TCF12: variants seen among roughly 807,000 people sequenced by gnomAD.
TCF12 encodes the protein DNA-binding protein HTF4.
A neutral mutation model predicts 86.0 loss-of-function variants in TCF12; 45 were observed. That is an observed-to-expected ratio of 0.52 (90% CI 0.41 to 0.67). The LOEUF is 0.67. Among genes scored for constraint, TCF12 ranks in the 30% least tolerant of loss-of-function variants. TCF12 has a pLI of 0.00. For synonymous variants in TCF12, 330 were observed against 299.6 expected (o/e 1.10, Z -1.05); for missense variants, 881 against 859.9 (o/e 1.02, Z -0.31).
At chr15:57,168,590 C>G (rs1038015014) in intron 6 of TCF12, among the ~76,000 whole-genome samples, 6 of 152,100 alleles carry the variant, frequency 3.9e-5, no homozygotes, top group African/African-American at 1.4e-4. Flanking sequence ...ATACAAGTTA[C>G]TGTTTGAATT....
In TCF12 at chr15:57,170,638, A is replaced by AT. The variant is rs2055254705; in HGVS notation, c.390+4173dup. On this transcript the variant is annotated intron_variant, in intron 6 of 20. Coordinates refer to ENST00000333725, the MANE Select transcript of TCF12 (RefSeq NM_207037.2). ...CATGCCCTGCTAATTTTATATATAT[A>AT]TATAATATATATATTATATAAAATA... 1.5e-4 allele frequency among the ~76,000 whole-genome samples: 5 copies of AT among 32,880 alleles called. No individual in the cohort carries two copies. The African/African-American group carries it at 1.5e-3, about 10-fold the overall frequency. 21.6% of individuals were successfully genotyped at this position (32,880 alleles called of 152,430 possible).
chr15:57,110,308 C>T (rs1250211595), intron 5 of TCF12, among the ~76,000 whole-genome samples: 1 of 12,106 alleles, frequency 8.3e-5, no homozygotes, highest in African/African-American at 1.5e-4. Context: ...TTAAATATAC[C>T]ATAGTTGGGG....
intron 8 of TCF12, among the ~76,000 whole-genome samples, chr15:57,207,492 G>A (rs530787904): frequency 6.6e-6 from 1 of 152,220 alleles, no homozygotes; most frequent in South Asian, 2.1e-4. Context: ...CCAACATGGT[G>A]AAACCTCATC....
At chr15:57,280,112 A>G (rs1483242036) in intron 19 of TCF12, among the ~76,000 whole-genome samples, 1 of 151,208 alleles carries the variant, frequency 6.6e-6, no homozygotes, top group African/African-American at 2.4e-5. Flanking sequence ...CTAGTCTCAA[A>G]CTCTTGACCT....
At chr15:57,022,752 T>C (rs2065575970) in intron 3 of TCF12, among the ~76,000 whole-genome samples, 1 of 152,238 alleles carries the variant, frequency 6.6e-6, no homozygotes, top group Non-Finnish European at 1.5e-5. Context: ...TTTTTAATGA[T>C]TACCATTCTA....
At chr15:56,922,844 T>C (rs1048067216) in intron 3 of TCF12, among the ~76,000 whole-genome samples, 3 of 152,044 alleles carry the variant, frequency 2.0e-5, no homozygotes, top group African/African-American at 4.8e-5. Context: ...CTGGTAGATA[T>C]AATTTTTCTG....
chr15:57,064,078 A>C (rs1194545073), intron 4 of TCF12, among the ~76,000 whole-genome samples: 1 of 152,196 alleles, frequency 6.6e-6, no homozygotes, highest in Non-Finnish European at 1.5e-5. Context: ...TAAAGAGCTT[A>C]GAATGCATAA....
At chr15:57,250,555 G>A (rs970301069) in intron 13 of TCF12, among the ~76,000 whole-genome samples, 1 of 151,982 alleles carries the variant, frequency 6.6e-6, no homozygotes, top group Non-Finnish European at 1.5e-5. Context: ...GTAGTGAAAC[G>A]TTGTCTCTAC....
At position 57,263,182 on chromosome 15, in the gene TCF12, A is replaced by T; in HGVS notation, c.1653A>T (p.Glu551Asp). 3 of 1,613,498 alleles carry T rather than the reference A, an allele frequency of 1.9e-6. No individual in the cohort carries two copies. The highest frequency in any genetic ancestry group is 2.5e-6 in the Non-Finnish European group (3 of 1,179,790). Reference protein sequence around the residue: ...EIKTENKEKDENLHEPPSSDD... With the variant: ...EIKTENKEKDDNLHEPPSSDD... Reference sequence around the variant, plus strand: ...AGACTGAAAACAAAGAAAAGGATGAAAACCTTCATGAACCTCCTTCATCAG... The same window carrying T: ...AGACTGAAAACAAAGAAAAGGATGATAACCTTCATGAACCTCCTTCATCAG... The change falls in exon 18 of 21, where the codon GAA becomes GAT. Residue 551 changes from glutamate to aspartate, a missense_variant. Glu to Asp is a conservative substitution (Grantham distance 45). Coordinates refer to ENST00000333725, the MANE Select transcript of TCF12 (RefSeq NM_207037.2).
At chr15:57,250,574 C>A (rs115801555) in intron 13 of TCF12, among the ~76,000 whole-genome samples, 2,842 of 152,026 alleles carry the variant, frequency 0.019, 80 homozygotes, top group African/African-American at 0.062. Flanking sequence ...ACTGCAAATA[C>A]AAAAATTAGC....
At chr15:57,019,745 A>G (rs1051512085) in intron 3 of TCF12, among the ~76,000 whole-genome samples, 24 of 144,830 alleles carry the variant, frequency 1.7e-4, no homozygotes, top group Non-Finnish European at 3.0e-4. Context: ...GATGTTATCT[A>G]TAGGAGCAAT....
At chr15:56,975,642 T>G (rs1442297438) in intron 3 of TCF12, among the ~76,000 whole-genome samples, 3 of 151,874 alleles carry the variant, frequency 2.0e-5, no homozygotes, top group Admixed American at 2.0e-4. Context: ...GTTTTTTTTG[T>G]TTGTTTGTTT....
At chr15:56,989,010 A>G (rs2063322144) in intron 3 of TCF12, among the ~76,000 whole-genome samples, 1 of 152,174 alleles carries the variant, frequency 6.6e-6, no homozygotes, top group Admixed American at 6.5e-5. Context: ...AGCAATGACA[A>G]TTTACTTTGC....
intron 6 of TCF12, among the ~76,000 whole-genome samples, chr15:57,191,170 A>T (rs371427100): frequency 5.3e-5 from 8 of 152,178 alleles, no homozygotes; most frequent in African/African-American, 1.9e-4. Flanking sequence ...TCAAGTGAAA[A>T]AAGCAGGAAT....
At chr15:57,059,084 G>A (rs1227820425) in intron 3 of TCF12, among the ~76,000 whole-genome samples, 1 of 152,192 alleles carries the variant, frequency 6.6e-6, no homozygotes, top group African/African-American at 2.4e-5. Context: ...CCCTACAGCA[G>A]ATGGCAATCC....
At chr15:57,219,544 C>G (rs2058482493) in intron 8 of TCF12, 3 of 1,613,382 alleles carry the variant, frequency 1.9e-6, no homozygotes, top group Non-Finnish European at 2.5e-6. Flanking sequence ...TATCCTGTCC[C>G]TGGAATGGGC....
intron 3 of TCF12, among the ~76,000 whole-genome samples, chr15:56,980,059 A>G (rs1239214360): frequency 6.6e-6 from 1 of 152,184 alleles, no homozygotes; most frequent in Non-Finnish European, 1.5e-5. Context: ...TTCATTTATA[A>G]GTCAAGATTT....
chr15:56,958,162 G>A (rs1169866490), intron 3 of TCF12, among the ~76,000 whole-genome samples: 1 of 152,134 alleles, frequency 6.6e-6, no homozygotes, highest in Non-Finnish European at 1.5e-5. Context: ...CCTGCTCTCA[G>A]GTTCTCTGCC....
chr15:56,934,831 T>G (rs1397714884), intron 3 of TCF12, among the ~76,000 whole-genome samples: 1 of 152,100 alleles, frequency 6.6e-6, no homozygotes, highest in Non-Finnish European at 1.5e-5. Context: ...CTTGTGGCCT[T>G]CATAGGAGCT....
Sources: allele counts gnomAD v4.1 joint callset (sites outside exome capture counted in the v4.1 genomes callset), GRCh38; gene constraint gnomAD v4.1.1; transcripts MANE v1.5; gene names NCBI Gene and HGNC (gene_info 2026-07-23, HGNC 2026-07-21).